The following AGMO variants were observed in gnomAD, a reference collection of about 807,000 sequenced individuals.
AGMO encodes the protein glyceryl-ether monooxygenase.
Under a neutral mutation model 60.2 loss-of-function variants are expected in AGMO, and 75 were observed. The ratio of observed to expected loss-of-function variants is 1.25; its 90% confidence interval spans 1.03 to 1.51. The LOEUF is 1.51. AGMO is among the 40% of genes most tolerant of loss of function. The pLI is 0.00. For missense variants in AGMO, 763 were observed against 525.5 expected, an observed-to-expected ratio of 1.45 and a Z score of -4.42; for synonymous variants, 261 against 177.1, an observed-to-expected ratio of 1.47 and a Z score of -3.76.
chr7:15,223,803 G>C (rs568652966), intron 12 of AGMO, among the ~76,000 whole-genome samples: 4 of 149,460 alleles, frequency 2.7e-5, no homozygotes, highest in African/African-American at 9.8e-5. Context: ...AAATATTCTT[G>C]TTATGAAATT....
At chr7:15,294,258 CACA>C (rs1296928708) in intron 12 of AGMO, among the ~76,000 whole-genome samples, 1 of 151,676 alleles carries the variant, frequency 6.6e-6, no homozygotes, top group Non-Finnish European at 1.5e-5. Context: ...AATACAAACC[CACA>C]ACAACTTAGC....
chr7:15,389,295 G>C (rs900062281), intron 8 of AGMO, among the ~76,000 whole-genome samples: 7 of 118,106 alleles, frequency 5.9e-5, no homozygotes, highest in African/African-American at 2.5e-4. Flanking sequence ...CTAGAGGATA[G>C]AGATGAAGGT....
chr7:15,215,944 C>T (rs1056429941), intron 12 of AGMO, among the ~76,000 whole-genome samples: 4 of 152,006 alleles, frequency 2.6e-5, no homozygotes, highest in African/African-American at 7.2e-5. Context: ...AAACCCGTAT[C>T]GGCTTCACAG....
intron 2 of AGMO, among the ~76,000 whole-genome samples, chr7:15,549,200 C>T (rs995919935): frequency 1.5e-4 from 22 of 142,738 alleles, no homozygotes; most frequent in Admixed American, 7.0e-4. Flanking sequence ...CGGTACCAGC[C>T]GCTGCAAAAT....
chr7:15,392,108 T>C (rs1784166814), intron 6 of AGMO, among the ~76,000 whole-genome samples: 1 of 152,010 alleles, frequency 6.6e-6, no homozygotes, highest in Admixed American at 6.6e-5. Flanking sequence ...CTCACTCTGT[T>C]GTCCAGGCTG....
chr7:15,381,924 G>GA (rs1783708468), intron 10 of AGMO, among the ~76,000 whole-genome samples: 1 of 152,208 alleles, frequency 6.6e-6, no homozygotes, highest in South Asian at 2.1e-4. Flanking sequence ...CACAGGAACA[G>GA]AAAACCAAAT....
chr7:15,560,817 T>C (rs1392324298), intron 1 of AGMO, among the ~76,000 whole-genome samples: 2 of 152,210 alleles, frequency 1.3e-5, no homozygotes, highest in Non-Finnish European at 2.9e-5. Context: ...CATTTGGTTT[T>C]GATTTTTGTT....
At chr7:15,312,825 T>A (rs1029484797) in intron 12 of AGMO, among the ~76,000 whole-genome samples, 1 of 151,900 alleles carries the variant, frequency 6.6e-6, no homozygotes, top group African/African-American at 2.4e-5. Flanking sequence ...AGCACCACCA[T>A]GCCCAGCCAA....
At chr7:15,299,848 C>T (rs1010266881) in intron 12 of AGMO, among the ~76,000 whole-genome samples, 1 of 130,182 alleles carries the variant, frequency 7.7e-6, no homozygotes, top group African/African-American at 3.4e-5. Flanking sequence ...CACACACACA[C>T]ACACACACAC....
At chr7:15,302,315 ATTC>A (rs1412986920) in intron 12 of AGMO, among the ~76,000 whole-genome samples, 1 of 152,158 alleles carries the variant, frequency 6.6e-6, no homozygotes, top group Non-Finnish European at 1.5e-5. Context: ...AATTTACAGA[ATTC>A]TTCTTCTAAC....
chr7:15,434,009 GC>G (rs1445017389), intron 3 of AGMO, among the ~76,000 whole-genome samples: 1 of 151,682 alleles, frequency 6.6e-6, no homozygotes, highest in Non-Finnish European at 1.5e-5. Context: ...TTAATGTTCG[GC>G]TGTATGAGTT....
chr7:15,357,746 TC>T (rs1438800155), intron 12 of AGMO, among the ~76,000 whole-genome samples: 1 of 152,212 alleles, frequency 6.6e-6, no homozygotes, highest in African/African-American at 2.4e-5. Context: ...GAGAAGTCTT[TC>T]CACATTCGCT....
intron 3 of AGMO, among the ~76,000 whole-genome samples, chr7:15,501,070 T>C (rs1783372846): frequency 6.6e-6 from 1 of 152,070 alleles, no homozygotes; most frequent in African/African-American, 2.4e-5. Context: ...TTTTATTCTT[T>C]TTAAATTTAT....
intron 3 of AGMO, among the ~76,000 whole-genome samples, chr7:15,492,425 C>T (rs915777029): frequency 3.3e-5 from 5 of 151,312 alleles, no homozygotes; most frequent in African/African-American, 4.9e-5. Context: ...CTAGACTTTC[C>T]GCAGGGCTAT....
intron 12 of AGMO, among the ~76,000 whole-genome samples, chr7:15,267,027 G>C (rs1281103259): frequency 2.0e-5 from 3 of 151,870 alleles, no homozygotes; most frequent in African/African-American, 7.2e-5. Flanking sequence ...AGAACATAAA[G>C]AAAATGAAAA....
chr7:15,285,421 A>G (rs2128520155), intron 12 of AGMO, among the ~76,000 whole-genome samples: 1 of 152,230 alleles, frequency 6.6e-6, no homozygotes, highest in Middle Eastern at 3.4e-3. Context: ...GCACTTCTAT[A>G]TACCAACAAT....
chr7:15,382,156 C>A (rs1443679490), intron 10 of AGMO, among the ~76,000 whole-genome samples: 1 of 152,022 alleles, frequency 6.6e-6, no homozygotes, highest in Non-Finnish European at 1.5e-5. Flanking sequence ...ACATGTACCC[C>A]CGAACTTAAA....
At chr7:15,133,658 G>A in the AGMO span, among the ~76,000 whole-genome samples, 6 of 152,202 alleles carry the variant, frequency 3.9e-5, no homozygotes, top group Middle Eastern at 3.4e-3. Context: ...TTGAAGCTAC[G>A]CAGAGGATGG....
intron 3 of AGMO, among the ~76,000 whole-genome samples, chr7:15,510,334 T>C (rs1027041467): frequency 6.6e-6 from 1 of 151,532 alleles, no homozygotes; most frequent in South Asian, 2.1e-4. Context: ...CCTAGCTAAG[T>C]TTTTTTTGTT....
Sources: allele counts gnomAD v4.1 joint callset (sites outside exome capture counted in the v4.1 genomes callset), GRCh38; gene constraint gnomAD v4.1.1; transcripts MANE v1.5; gene names NCBI Gene and HGNC (gene_info 2026-07-23, HGNC 2026-07-21).